The following ITGAM variants were observed in gnomAD, a reference collection of about 807,000 sequenced individuals.
The protein encoded by ITGAM is integrin subunit alpha M.
A neutral mutation model predicts 137.5 loss-of-function variants in ITGAM; 79 were observed. The observed-to-expected ratio is 0.57, with a 90% CI of 0.48 to 0.69. ITGAM has a LOEUF of 0.69. ITGAM is among the 30% of genes least tolerant of loss of function. The pLI is 0.00. For missense variants in ITGAM, 1,343 were observed against 1,483.5 expected (o/e 0.91, Z 1.56); for synonymous variants, 583 against 592.3 (o/e 0.98, Z 0.23).
chr16:31,272,069 G>A (rs540397331), intron 7 of ITGAM, 77 bp downstream of exon 7: 142 of 1,556,702 alleles, frequency 9.1e-5, no homozygotes, highest in East Asian at 5.4e-4. Flanking sequence ...GAAGGGAGCC[G>A]TTCAGACAGG....
chr16:31,266,088 G>A lies in ITGAM; in HGVS notation c.368G>A (p.Cys123Tyr), dbSNP rs2079763856. 2 of 1,613,828 alleles carry A rather than the reference G, an allele frequency of 1.2e-6. No homozygotes were observed. The highest frequency in any genetic ancestry group is 1.3e-5 in the African/African-American group (1 of 74,940). ...CSENTYVKGLCFLFGSNLRQQ... is the reference protein window; with the variant it reads ...CSENTYVKGLYFLFGSNLRQQ... ...GAGAACACGTATGTGAAAGGGCTCT[G>A]CTTCCTGTTTGGATCCAACCTACGG... The change falls in exon 5 of 30, where the codon TGC becomes TAC. Residue 123 changes from cysteine (C) to tyrosine (Y), a missense_variant. Coordinates refer to ENST00000544665, the MANE Select transcript of ITGAM (RefSeq NM_000632.4).
At position 31,271,995 on chromosome 16, in the gene ITGAM, A is replaced by G. The variant is rs1294337311; in HGVS notation, c.704+3A>G. On this transcript the variant is annotated splice_donor_region_variant and intron_variant, in intron 7 of 29. Coordinates refer to ENST00000544665, the MANE Select transcript of ITGAM (RefSeq NM_000632.4). Reference sequence around the variant, plus strand: ...GCCACGGGCATCCGCAAAGTGGTGTAAGCTTCCCCTTTTCCCTTAGGATGG... The same window carrying G: ...GCCACGGGCATCCGCAAAGTGGTGTGAGCTTCCCCTTTTCCCTTAGGATGG... 1.9e-6 allele frequency: 3 copies of G among 1,613,962 alleles called. No individual in the cohort carries two copies. The East Asian group carries it at 6.7e-5, about 36-fold the overall frequency.
chr16:31,288,185 TAGGGTGGTGGGA>T (rs2080049239), intron 12 of ITGAM, among the ~76,000 whole-genome samples: 1 of 151,746 alleles, frequency 6.6e-6, no homozygotes, highest in Non-Finnish European at 1.5e-5. Flanking sequence ...AATATGCGTA[TAGGGTGGTGGGA>T]GGAGTGGTGG....
At chr16:31,287,775 A>G (rs2080044216) in intron 12 of ITGAM, among the ~76,000 whole-genome samples, 1 of 152,146 alleles carries the variant, frequency 6.6e-6, no homozygotes, top group Non-Finnish European at 1.5e-5. Flanking sequence ...TGGTCTCTCT[A>G]AACACATACT....
intron 12 of ITGAM, among the ~76,000 whole-genome samples, chr16:31,282,943 G>C (rs1028867563): frequency 6.6e-6 from 1 of 152,134 alleles, no homozygotes; most frequent in Non-Finnish European, 1.5e-5. Context: ...GCATTTGCTT[G>C]TCTGTAAAGT....
chr16:31,289,288 A>G (rs1266617533), intron 12 of ITGAM, among the ~76,000 whole-genome samples: 2 of 152,232 alleles, frequency 1.3e-5, no homozygotes, highest in African/African-American at 2.4e-5. Flanking sequence ...TCATGCTGCT[A>G]TAAAGGCACA....
chr16:31,295,024 A>G (rs572560893), intron 12 of ITGAM, among the ~76,000 whole-genome samples: 1 of 152,266 alleles, frequency 6.6e-6, no homozygotes, highest in South Asian at 2.1e-4. Context: ...TTGAAGATCA[A>G]TTGACCATAA....
chr16:31,297,447 A>G, intron 12 of ITGAM, 67 bp from the exon 13 acceptor site: 1 of 1,601,176 alleles, frequency 6.2e-7, no homozygotes, highest in Non-Finnish European at 8.5e-7. Context: ...TTTTCTTCAG[A>G]GAGAGAAAAC....
In ITGAM at chr16:31,331,959, G is replaced by A. The variant is rs1398538188; in HGVS notation, c.*252G>A. On this transcript the variant is annotated 3_prime_UTR_variant, in exon 30 of 30. Transcript: ENST00000544665. ...TGTGAGTGTGTGCAAGTATGTGAGT[G>A]TGTCCAAGTGTGTGTGCGTGTGTCC... is the stretch of plus-strand genomic sequence containing the variant. The A allele has an allele frequency of 3.7e-6, 2 of 546,752 alleles. No individual in the cohort carries two copies. The highest frequency in any genetic ancestry group is 6.5e-6 in the Non-Finnish European group (2 of 308,974). The allele number at this position is 546,752 out of a possible 1,614,324, so 33.9% of individuals were successfully genotyped here.
chr16:31,297,974 C>T lies in ITGAM; in HGVS notation c.1707+20C>T. 4 of 1,578,292 alleles carry T rather than the reference C, an allele frequency of 2.5e-6. No individual in the cohort carries two copies. Among genetic ancestry groups the T allele is most frequent in the Non-Finnish European group, 2.6e-6 (3 of 1,147,726 alleles). On this transcript the variant is annotated intron_variant, in intron 14 of 29. Coordinates refer to ENST00000544665, the MANE Select transcript of ITGAM (RefSeq NM_000632.4). ...AGCCAGGTGAGACCTGGTCACTGTC[C>T]TTGTCATGACAGTAGCCTCTTTGTT...
At chr16:31,275,068 A>C (rs2079891670) in intron 8 of ITGAM, among the ~76,000 whole-genome samples, 1 of 152,210 alleles carries the variant, frequency 6.6e-6, no homozygotes, top group South Asian at 2.1e-4. Flanking sequence ...CTGAGCCCAG[A>C]GGCAATGAAG....
At chr16:31,295,930 G>T (rs1052004040) in intron 12 of ITGAM, among the ~76,000 whole-genome samples, 2 of 151,882 alleles carry the variant, frequency 1.3e-5, no homozygotes, top group Non-Finnish European at 2.9e-5. Flanking sequence ...TATTATAAAA[G>T]AATGTTGAAT....
chr16:31,297,555 G>A lies in ITGAM; in HGVS notation c.1398G>A (p.Val466=), dbSNP rs369101982. Residue 466 remains valine, a synonymous_variant, in exon 13 of 30, where the codon GTG becomes GTA. Transcript: ENST00000544665. ...GGGCCTCCCTCTGCTCCGTGGACGT[G>A]GACAGCAACGGCAGCACCGACCTGG... ...YFGASLCSVD[V]DSNGSTDLVL... is the part of the protein sequence containing the mutation. 5 of 1,612,138 alleles carry A rather than the reference G, an allele frequency of 3.1e-6. No individual in the cohort carries two copies. The highest frequency in any genetic ancestry group is 1.7e-5 in the Admixed American group (1 of 60,004).
Position 31,331,784 on chromosome 16 carries a change from G to A in ITGAM, c.*77G>A. 8.9e-7 allele frequency: 1 copy of A among 1,127,832 alleles called. No homozygotes were observed. Among genetic ancestry groups the A allele is most frequent in the Admixed American group, 2.6e-5 (1 of 37,790 alleles). 69.9% of individuals were successfully genotyped at this position (1,127,832 alleles called of 1,614,324 possible). A position where few individuals can be genotyped will look rare whatever the true frequency, so the allele number is the denominator to read the frequency against. The stretch of plus-strand genomic sequence containing the variant: ...GACCACACGTAGCCCCCAGGCTGCT[G>A]GACACGTCGGACAGCGAAGTATCCC... On this transcript the variant is annotated 3_prime_UTR_variant, in exon 30 of 30. Coordinates refer to ENST00000544665, the MANE Select transcript of ITGAM (RefSeq NM_000632.4).
chr16:31,320,666 C>T (rs1461691415), intron 14 of ITGAM, among the ~76,000 whole-genome samples: 1 of 152,152 alleles, frequency 6.6e-6, no homozygotes, highest in Non-Finnish European at 1.5e-5. Context: ...CCACTGACTT[C>T]CCACCATGGA....
intron 7 of ITGAM, 66 bp from the exon 8 acceptor site, chr16:31,273,299 A>G: frequency 2.3e-6 from 3 of 1,288,152 alleles, no homozygotes; most frequent in Non-Finnish European, 3.2e-6. Context: ...CTATTTCTTA[A>G]AAAAAAAAAA....
rs2080490488 is a variant in ITGAM at position 31,324,885 on chromosome 16, G to A, written c.2290-73G>A. The A allele has an allele frequency of 1.3e-6, 2 of 1,550,586 alleles. No homozygotes were observed. The highest frequency in any genetic ancestry group is 1.7e-4 in the Middle Eastern group (1 of 5,762). On this transcript the variant is annotated intron_variant, in intron 18 of 29. Coordinates refer to ENST00000544665, the MANE Select transcript of ITGAM (RefSeq NM_000632.4). The surrounding 1 kb of genome is among the most constrained non-coding windows in gnomAD (Gnocchi z 4.5). Reference sequence around the variant, plus strand: ...TGCATCTAATTTTACTTCAACATTTGATTTTATTGTTTAATTTCACAATAC... The same window carrying A: ...TGCATCTAATTTTACTTCAACATTTAATTTTATTGTTTAATTTCACAATAC...
At position 31,266,106 on chromosome 16, in the gene ITGAM, A is replaced by G; in HGVS notation, c.386A>G (p.Asn129Ser). The G allele has an allele frequency of 6.2e-7, 1 of 1,613,772 alleles. No homozygotes were observed. Among genetic ancestry groups the G allele is most frequent in the Non-Finnish European group, 8.5e-7 (1 of 1,179,840 alleles). The change falls in exon 5 of 30, where the codon AAC becomes AGC. Residue 129 changes from asparagine to serine, a missense_variant. Transcript: ENST00000544665. ...GGGCTCTGCTTCCTGTTTGGATCCAACCTACGGCAGCAGCCCCAGAAGTTC... is the reference window on the plus strand; with the variant it reads ...GGGCTCTGCTTCCTGTTTGGATCCAGCCTACGGCAGCAGCCCCAGAAGTTC... The part of the protein sequence containing the change: ...VKGLCFLFGS[N>S]LRQQPQKFPE...
chr16:31,276,771 G>A, intron 10 of ITGAM, 27 bp downstream of exon 10: 1 of 1,591,690 alleles, frequency 6.3e-7, no homozygotes, highest in Non-Finnish European at 8.6e-7. Context: ...TAAATTGCGG[G>A]GGTGGGGCAG....
Sources: gnomAD v4.1 joint callset for allele counts (sites outside exome capture counted in the v4.1 genomes callset) on GRCh38, gnomAD v4.1.1 for gene constraint, Gnocchi (gnomAD v3.1) non-coding constraint, MANE v1.5 for transcripts, NCBI Gene and HGNC (gene_info 2026-07-23, HGNC 2026-07-21) for gene names.